ERFL: variants seen among roughly 807,000 people sequenced by gnomAD.
ERFL encodes ETS domain-containing transcription factor ERF-like.
Under a neutral mutation model 27.9 loss-of-function variants are expected in ERFL, and 8 were observed. The ratio of observed to expected loss-of-function variants is 0.29; its 90% CI spans 0.17 to 0.52. ERFL has a LOEUF of 0.52. Among genes scored for constraint, ERFL ranks in the 20% least tolerant of loss-of-function variants. The pLI, the probability that ERFL is intolerant of heterozygous loss-of-function variation, is 0.97. For synonymous variants in ERFL, 174 were observed against 202.8 expected (o/e 0.86, Z 1.21); for missense variants, 294 against 444.4 (o/e 0.66, Z 3.04).
At chr19:41,918,525 C>T (rs2074817450) in intron 1 of ERFL, among the ~76,000 whole-genome samples, 1 of 150,168 alleles carries the variant, frequency 6.7e-6, no homozygotes, top group Non-Finnish European at 1.5e-5. Flanking sequence ...ACATCACACA[C>T]ACACCATACA....
At chr19:41,927,549 C>T (rs1555853373) in intron 1 of ERFL, among the ~76,000 whole-genome samples, 1 of 152,128 alleles carries the variant, frequency 6.6e-6, no homozygotes, top group Non-Finnish European at 1.5e-5. Flanking sequence ...CTCCCAACCT[C>T]AGATATCTAG....
At chr19:41,924,637 C>T (rs1277179687) in intron 1 of ERFL, among the ~76,000 whole-genome samples, 1 of 152,050 alleles carries the variant, frequency 6.6e-6, no homozygotes, top group African/African-American at 2.4e-5. Flanking sequence ...ATACCTGGAC[C>T]AGGTGTTTCT....
At chr19:41,927,219 C>T (rs1167110731) in intron 1 of ERFL, among the ~76,000 whole-genome samples, 1 of 152,082 alleles carries the variant, frequency 6.6e-6, no homozygotes, top group African/African-American at 2.4e-5. Flanking sequence ...AGAAGTGGCC[C>T]AGCAGGGCCC....
At chr19:41,923,051 G>A (rs2145908379) in intron 1 of ERFL, 1 of 428,156 alleles carries the variant, frequency 2.3e-6, no homozygotes, top group East Asian at 7.0e-5. Flanking sequence ...ACAGAGGGAA[G>A]TTCAGCGCCC....
Position 41,921,633 on chromosome 19 carries a change from T to C in ERFL, c.-14+6407A>G, listed in dbSNP as rs1475305676. ...AGAGCGAGGGCCGCACCGGAGACCC[T>C]GGGTTGGGAGGAAGGAGAGAAGAGG... is the stretch of plus-strand genomic sequence containing the variant. On this transcript the variant is annotated intron_variant, in intron 1 of 5. Coordinates refer to ENST00000597630, the MANE Select transcript of ERFL (RefSeq NM_001365103.2). This position sits in a 1 kb window ranked among gnomAD's most constrained non-coding sequence, Gnocchi z 4.4. 1.3e-5 allele frequency among the ~76,000 whole-genome samples: 2 copies of C among 151,630 alleles called. No homozygotes were observed. Among genetic ancestry groups the C allele is most frequent in the Non-Finnish European group, 2.9e-5 (2 of 67,872 alleles).
At chr19:41,924,530 C>T (rs2074860383) in intron 1 of ERFL, among the ~76,000 whole-genome samples, 1 of 152,034 alleles carries the variant, frequency 6.6e-6, no homozygotes, top group Non-Finnish European at 1.5e-5. Flanking sequence ...CCTTTATCCT[C>T]ATTCTCGTTG....
In ERFL at chr19:41,909,010, G is replaced by A; in HGVS notation, c.616+50C>T. 9.1e-7 allele frequency: 1 copy of A among 1,099,524 alleles called. No homozygotes were observed. The highest frequency in any genetic ancestry group is 1.2e-6 in the Non-Finnish European group (1 of 868,540). The allele number at this position is 1,099,524 out of a possible 1,614,324, so 68.1% of individuals were successfully genotyped here. On this transcript the variant is annotated intron_variant, in intron 5 of 5. Coordinates refer to ENST00000597630, the MANE Select transcript of ERFL (RefSeq NM_001365103.2). This position sits in a 1 kb window ranked among gnomAD's most constrained non-coding sequence, Gnocchi z 5.2. ...TTTCTCATCCTCTTCCCTCAAGCCTGCAGCTTCTCCCACTGTGCCCCCAGC... is the reference window on the plus strand; with the variant it reads ...TTTCTCATCCTCTTCCCTCAAGCCTACAGCTTCTCCCACTGTGCCCCCAGC...
rs145959967 is a variant in ERFL, at chr19:41,925,788, G to A, written c.-14+2252C>T. Among the ~76,000 whole-genome samples, 10 of 152,258 alleles carry A rather than the reference G, an allele frequency of 6.6e-5. No individual in the cohort carries two copies. In the East Asian group the frequency reaches 1.7e-3, roughly 26 times the overall value. ...AGAGAGGGATGTGAGCGACAGGTGT[G>A]CTCTTAGGTGACCTGTGTGTGGCCA... On this transcript the variant is annotated intron_variant, in intron 1 of 5. Transcript: ENST00000597630.
chr19:41,913,962 C>T (rs1244316993), intron 1 of ERFL, among the ~76,000 whole-genome samples: 1 of 151,058 alleles, frequency 6.6e-6, no homozygotes, highest in African/African-American at 2.4e-5. Context: ...CCCAGACGCT[C>T]TCAAAAACCC....
Position 41,909,316 on chromosome 19 carries a change from C to G in ERFL, c.458G>C (p.Gly153Ala), listed in dbSNP as rs905767030. 9.7e-6 allele frequency: 12 copies of G among 1,234,980 alleles called. No individual in the cohort carries two copies. Among genetic ancestry groups the G allele is most frequent in the African/African-American group, 4.7e-5 (3 of 64,480 alleles). The allele number at this position is 1,234,980 out of a possible 1,614,324, so 76.5% of individuals were successfully genotyped here. A position where few individuals can be genotyped will look rare whatever the true frequency, so the allele number is the denominator to read the frequency against. Residue 153 changes from glycine to alanine, a missense_variant, in exon 4 of 6, where the codon GGG (glycine) becomes GCG (alanine). Gly to Ala is a moderately conservative substitution (Grantham distance 60). Coordinates refer to ENST00000597630, the MANE Select transcript of ERFL (RefSeq NM_001365103.2). The surrounding 1 kb of genome is among the most constrained non-coding windows in gnomAD (Gnocchi z 5.2). ...SPLLLTPSPF[G>A]GAPGPDAPPL... ...AGGAGCATCTGGCCCTGGGGCCCCCCCAAAGGGACTGGGGGTCAGCAAGAG... is the reference window on the plus strand; with the variant it reads ...AGGAGCATCTGGCCCTGGGGCCCCCGCAAAGGGACTGGGGGTCAGCAAGAG...
In ERFL at chr19:41,910,704, G is replaced by A. The variant is rs1364580090; in HGVS notation, c.68-607C>T. Among the ~76,000 whole-genome samples, 4 of 152,122 alleles carry A rather than the reference G, an allele frequency of 2.6e-5. No homozygotes were observed. In the East Asian group the frequency reaches 7.7e-4, roughly 29 times the overall value. On this transcript the variant is annotated intron_variant, in intron 2 of 5. Transcript: ENST00000597630. The surrounding 1 kb of genome is among the most constrained non-coding windows in gnomAD (Gnocchi z 4.4). ...TATCCATGCCCATGTCCGTCCAAGA[G>A]CAGTCCAGAACGATGTGTGTGTGTG...
At position 41,910,084 on chromosome 19, in the gene ERFL, C is replaced by T. The variant is rs1445695107; in HGVS notation, c.81G>A (p.Pro27=). 45 of 1,612,596 alleles carry T rather than the reference C, an allele frequency of 2.8e-5. 1 individual carries two copies. Among genetic ancestry groups the T allele is most frequent in the South Asian group, 2.7e-4 (25 of 90,980 alleles). The part of the protein sequence containing the change: ...PALWTPGFAF[P]DWAYKPESSP... ...ATGACTCTGGCTTGTAGGCCCAATCCGGGAAGGCAAACCCTGGGGACGGGA... is the reference window on the plus strand; with the variant it reads ...ATGACTCTGGCTTGTAGGCCCAATCTGGGAAGGCAAACCCTGGGGACGGGA... The change falls in exon 3 of 6, where the codon CCG becomes CCA. Residue 27 remains proline, a synonymous_variant. Transcript: ENST00000597630. The surrounding 1 kb of genome is among the most constrained non-coding windows in gnomAD (Gnocchi z 4.4).
Position 41,909,330 on chromosome 19 carries a change from G to A in ERFL, c.444C>T (p.Thr148=). The A allele has an allele frequency of 1.6e-6, 2 of 1,235,716 alleles. No homozygotes were observed. The highest frequency in any genetic ancestry group is 4.1e-5 in the South Asian group (1 of 24,554). 76.5% of individuals were successfully genotyped at this position (1,235,716 alleles called of 1,614,324 possible). ...AAATGSPLLL[T]PSPFGGAPGP... ...CTGGGGCCCCCCCAAAGGGACTGGG[G>A]GTCAGCAAGAGTGGGGAGCCAGTGG... is the stretch of plus-strand genomic sequence containing the variant. The change falls in exon 4 of 6, where the codon ACC becomes ACT. Residue 148 remains threonine (T), a synonymous_variant. Coordinates refer to ENST00000597630, the MANE Select transcript of ERFL (RefSeq NM_001365103.2). The surrounding 1 kb of genome is among the most constrained non-coding windows in gnomAD (Gnocchi z 5.2).
intron 1 of ERFL, chr19:41,923,103 C>A (rs1324453395): frequency 2.2e-6 from 1 of 455,800 alleles, no homozygotes; most frequent in Non-Finnish European, 4.4e-6. Context: ...ACCCCATCCT[C>A]ACCACCACCT....
At chr19:41,918,724 C>T (rs1246230274) in intron 1 of ERFL, among the ~76,000 whole-genome samples, 5 of 150,664 alleles carry the variant, frequency 3.3e-5, no homozygotes, top group Admixed American at 3.3e-4. Flanking sequence ...ACCACGTACA[C>T]ACCACACACC....
chr19:41,913,191 A>G (rs1555851409), intron 1 of ERFL, among the ~76,000 whole-genome samples: 1 of 149,940 alleles, frequency 6.7e-6, no homozygotes, highest in African/African-American at 2.5e-5. Flanking sequence ...CTCCATCACT[A>G]ACTACGCCGC....
intron 1 of ERFL, among the ~76,000 whole-genome samples, chr19:41,918,655 C>T (rs554730049): frequency 6.6e-6 from 1 of 150,448 alleles, no homozygotes; most frequent in Non-Finnish European, 1.5e-5. Flanking sequence ...ACACACAGTA[C>T]ATACACTACC....
chr19:41,913,014 G>A (rs2074763041), intron 1 of ERFL, 82 bp from the exon 2 acceptor site: 13 of 555,188 alleles, frequency 2.3e-5, no homozygotes, highest in Non-Finnish European at 3.5e-5. Context: ...GCTGCCCGGG[G>A]CCTTCCCCTC....
At chr19:41,925,991 T>G (rs189289616) in intron 1 of ERFL, among the ~76,000 whole-genome samples, 8 of 152,054 alleles carry the variant, frequency 5.3e-5, no homozygotes, top group Non-Finnish European at 1.2e-4. Flanking sequence ...TGTGTGAGTG[T>G]GTGCATGTGT....
Sources: allele counts gnomAD v4.1 joint callset (sites outside exome capture counted in the v4.1 genomes callset), GRCh38; gene constraint gnomAD v4.1.1; non-coding constraint Gnocchi (gnomAD v3.1); transcripts MANE v1.5; gene names NCBI Gene and HGNC (gene_info 2026-07-23, HGNC 2026-07-21).